The following SGCZ variants were observed in gnomAD, a reference collection of about 807,000 sequenced individuals.
SGCZ encodes the protein zeta-sarcoglycan.
A neutral mutation model predicts 41.3 loss-of-function variants in SGCZ; 40 were observed. The ratio of observed to expected loss-of-function variants is 0.97; its 90% CI spans 0.75 to 1.26. The LOEUF (loss-of-function observed/expected upper bound fraction) is 1.26. SGCZ is among the 50% of genes most tolerant of loss of function. The probability of loss-of-function intolerance (pLI) is 0.00; values close to 1 mark genes in which losing one functional copy is unlikely to be tolerated. For missense variants in SGCZ, 552 were observed against 369.8 expected (o/e 1.49, Z -4.04); for synonymous variants, 206 against 137.5 (o/e 1.50, Z -3.49).
intron 3 of SGCZ, among the ~76,000 whole-genome samples, chr8:14,308,043 G>A (rs904467047): frequency 1.8e-4 from 28 of 152,010 alleles, no homozygotes; most frequent in African/African-American, 6.5e-4. Context: ...ACGATTCGGG[G>A]GAACAATATC....
At chr8:14,399,575 A>G (rs1011990446) in intron 2 of SGCZ, among the ~76,000 whole-genome samples, 2 of 152,158 alleles carry the variant, frequency 1.3e-5, no homozygotes, top group African/African-American at 4.8e-5. Flanking sequence ...TTTCCTTTAG[A>G]CAGACATTCT....
At chr8:15,154,379 G>C (rs1056003224) in intron 1 of SGCZ, among the ~76,000 whole-genome samples, 3 of 152,168 alleles carry the variant, frequency 2.0e-5, no homozygotes, top group Non-Finnish European at 4.4e-5. Context: ...CCCAGCTTTT[G>C]CTCAGCCTGG....
intron 1 of SGCZ, among the ~76,000 whole-genome samples, chr8:14,908,185 A>AT (rs1200589556): frequency 4.6e-5 from 7 of 152,172 alleles, no homozygotes. Flanking sequence ...CAATTATATA[A>AT]TATTTTTAGG....
In SGCZ at chr8:14,085,305, C is replaced by G. The variant is rs549729365; in HGVS notation, c.*5138G>C. ...AAAACATTTACATGAAAGTACAAAA[C>G]AAAATAAATGAATAGTGGACCTGAT... On this transcript the variant is annotated 3_prime_UTR_variant, in exon 8 of 8. Coordinates refer to ENST00000382080, the MANE Select transcript of SGCZ (RefSeq NM_139167.4). Among the ~76,000 whole-genome samples, 8 of 151,474 alleles carry G rather than the reference C, an allele frequency of 5.3e-5. No individual in the cohort carries two copies. The South Asian group carries it at 1.7e-3, about 31-fold the overall frequency.
intron 2 of SGCZ, among the ~76,000 whole-genome samples, chr8:14,405,737 A>G (rs182620708): frequency 2.3e-4 from 35 of 152,304 alleles, no homozygotes; most frequent in South Asian, 1.7e-3. Context: ...ATTGTACTAC[A>G]CAGCTGTGAT....
At chr8:14,544,057 T>C (rs1303053060) in intron 2 of SGCZ, among the ~76,000 whole-genome samples, 1 of 152,110 alleles carries the variant, frequency 6.6e-6, no homozygotes, top group Non-Finnish European at 1.5e-5. Context: ...GCTTTAATGG[T>C]GATTTCCCAG....
intron 4 of SGCZ, among the ~76,000 whole-genome samples, chr8:14,188,809 T>G: frequency 1.3e-5 from 1 of 78,962 alleles, no homozygotes; most frequent in East Asian, 3.9e-4. Context: ...TTTTTTTTTG[T>G]TTGTTTGTTT....
chr8:14,782,983 C>A (rs191915107), intron 1 of SGCZ, among the ~76,000 whole-genome samples: 1 of 152,096 alleles, frequency 6.6e-6, no homozygotes. Context: ...ATATTATAAA[C>A]TTAAATATTC....
At chr8:14,609,496 A>T (rs1805859045) in intron 1 of SGCZ, among the ~76,000 whole-genome samples, 1 of 152,238 alleles carries the variant, frequency 6.6e-6, no homozygotes, top group Non-Finnish European at 1.5e-5. Flanking sequence ...TGGCATGATG[A>T]AAAGTACTGC....
At chr8:14,144,546 T>C (rs971538337) in intron 5 of SGCZ, among the ~76,000 whole-genome samples, 3 of 152,182 alleles carry the variant, frequency 2.0e-5, no homozygotes, top group Admixed American at 1.3e-4. Flanking sequence ...CTCAGTACTT[T>C]ACCAGCTGTG....
chr8:14,449,769 A>G (rs1800538739), intron 2 of SGCZ, among the ~76,000 whole-genome samples: 1 of 152,170 alleles, frequency 6.6e-6, no homozygotes, highest in Non-Finnish European at 1.5e-5. Context: ...TTCTAGGCTT[A>G]AACTGAGAAC....
intron 5 of SGCZ, among the ~76,000 whole-genome samples, chr8:14,130,024 A>T (rs1478749030): frequency 2.0e-5 from 3 of 152,222 alleles, no homozygotes; most frequent in Non-Finnish European, 2.9e-5. Context: ...CAGTCAAAAT[A>T]ATCTTGAAAA....
chr8:14,573,241 A>AGTGC (rs1312966483), intron 1 of SGCZ, among the ~76,000 whole-genome samples: 1 of 116,108 alleles, frequency 8.6e-6, no homozygotes, highest in African/African-American at 3.4e-5. Context: ...TCTGTCGCCC[A>AGTGC]GGCTGGAGTG....
intron 5 of SGCZ, among the ~76,000 whole-genome samples, chr8:14,112,403 C>A (rs548459664): frequency 1.3e-5 from 2 of 151,944 alleles, no homozygotes; most frequent in East Asian, 3.9e-4. Flanking sequence ...AAACAGCTAG[C>A]CTCCCAGCCC....
chr8:15,164,587 CT>C lies in SGCZ; in HGVS notation c.39+72997del, dbSNP rs751994299. The stretch of plus-strand genomic sequence containing the variant: ...AGGTTCTTCCCCAGGCATTTTTAAA[CT>C]TTTTTTTTTTTTCCTCTTCTCCACC... On this transcript the variant is annotated intron_variant, in intron 1 of 7. Coordinates refer to ENST00000382080, the MANE Select transcript of SGCZ (RefSeq NM_139167.4). 7.0e-3 allele frequency among the ~76,000 whole-genome samples: 986 copies of C among 141,724 alleles called. 8 individuals carry two copies. Among genetic ancestry groups the C allele is most frequent in the African/African-American group, 0.021 (809 of 38,574 alleles). 93.0% of individuals were successfully genotyped at this position (141,724 alleles called of 152,430 possible).
intron 1 of SGCZ, among the ~76,000 whole-genome samples, chr8:15,144,675 C>T (rs148249961): frequency 2.3e-3 from 344 of 152,226 alleles, no homozygotes; most frequent in Non-Finnish European, 3.6e-3. Context: ...ATGCTATTCT[C>T]GAACTCCCGA....
chr8:14,249,881 G>A (rs1400114730), intron 3 of SGCZ, among the ~76,000 whole-genome samples: 3 of 152,180 alleles, frequency 2.0e-5, no homozygotes, highest in African/African-American at 7.2e-5. Context: ...CAGAAGCAAT[G>A]TAAGTATGTC....
chr8:14,388,351 G>C (rs1398817846), intron 2 of SGCZ, among the ~76,000 whole-genome samples: 1 of 152,040 alleles, frequency 6.6e-6, no homozygotes, highest in Admixed American at 6.6e-5. Context: ...CCAGAGAAAA[G>C]AGAATTGGTC....
intron 2 of SGCZ, among the ~76,000 whole-genome samples, chr8:14,511,706 C>A (rs565473531): frequency 6.6e-6 from 1 of 152,000 alleles, no homozygotes; most frequent in African/African-American, 2.4e-5. Flanking sequence ...AAGAAAAGGA[C>A]GTTAAAAATC....
Sources: allele counts gnomAD v4.1 joint callset (sites outside exome capture counted in the v4.1 genomes callset), GRCh38; gene constraint gnomAD v4.1.1; transcripts MANE v1.5; gene names NCBI Gene and HGNC (gene_info 2026-07-23, HGNC 2026-07-21).